MCC: variants seen among roughly 807,000 people sequenced by gnomAD.
MCC encodes colorectal mutant cancer protein.
A neutral mutation model predicts 116.2 loss-of-function variants in MCC; 90 were observed. The observed-to-expected ratio is 0.77, with a 90% CI of 0.65 to 0.92. The LOEUF is 0.92. MCC is among the 40% of genes least tolerant of loss of function. MCC has a pLI of 0.00. For synonymous variants in MCC, 578 were observed against 510.5 expected (o/e 1.13, Z -1.78); for missense variants, 1,516 against 1,312.2 (o/e 1.16, Z -2.40).
chr5:113,238,794 A>G (rs538065833), intron 3 of MCC, among the ~76,000 whole-genome samples: 1 of 152,340 alleles, frequency 6.6e-6, no homozygotes, highest in Non-Finnish European at 1.5e-5. Context: ...AAAAAGACTA[A>G]TGGTCTCAAA....
intron 13 of MCC, among the ~76,000 whole-genome samples, chr5:113,065,740 G>A (rs1753558598): frequency 6.6e-6 from 1 of 152,198 alleles, no homozygotes; most frequent in African/African-American, 2.4e-5. Flanking sequence ...GATACTGTGG[G>A]TGCATGTCAC....
intron 17 of MCC, among the ~76,000 whole-genome samples, chr5:113,036,099 G>T (rs374683898): frequency 2.4e-5 from 3 of 123,084 alleles, no homozygotes; most frequent in Non-Finnish European, 4.7e-5. Flanking sequence ...GCAGTGGTGC[G>T]ATCTTGGGCT....
At chr5:113,140,659 T>C (rs1173971314) in intron 5 of MCC, among the ~76,000 whole-genome samples, 2 of 152,144 alleles carry the variant, frequency 1.3e-5, no homozygotes, top group Non-Finnish European at 2.9e-5. Flanking sequence ...ATAGCTTAAG[T>C]GTGGATATAT....
chr5:113,483,566 A>G (rs1226507117), intron 1 of MCC, among the ~76,000 whole-genome samples: 1 of 152,192 alleles, frequency 6.6e-6, no homozygotes, highest in African/African-American at 2.4e-5. Context: ...TTTCAACAAC[A>G]AGAGTATCTT....
At position 113,128,304 on chromosome 5, in the gene MCC, C is replaced by T. The variant is rs948411605; in HGVS notation, c.885-5478G>A. ...CTGTCAAGCTGTCAGTCAGCTGTGG[C>T]CAACTAATCCACCCTACTTGACCTG... On this transcript the variant is annotated intron_variant, in intron 5 of 18. Transcript: ENST00000408903. 2.6e-5 allele frequency among the ~76,000 whole-genome samples: 4 copies of T among 152,210 alleles called. No homozygotes were observed. The South Asian group carries it at 6.2e-4, about 24-fold the overall frequency.
intron 3 of MCC, among the ~76,000 whole-genome samples, chr5:113,160,506 C>G (rs749100298): frequency 6.6e-6 from 1 of 152,158 alleles, no homozygotes; most frequent in Non-Finnish European, 1.5e-5. Context: ...GGAATTGAGA[C>G]TTAGAGGTTA....
At chr5:113,267,918 T>TA (rs1253510829) in intron 3 of MCC, among the ~76,000 whole-genome samples, 1 of 152,198 alleles carries the variant, frequency 6.6e-6, no homozygotes, top group Non-Finnish European at 1.5e-5. Flanking sequence ...ATAAAAAAGG[T>TA]ATGTCTGCTA....
intron 1 of MCC, among the ~76,000 whole-genome samples, chr5:113,401,377 A>C (rs1769682443): frequency 6.6e-6 from 1 of 152,172 alleles, no homozygotes; most frequent in Non-Finnish European, 1.5e-5. Flanking sequence ...AAAATTTTTC[A>C]CTAAGTGCTA....
chr5:113,340,503 AC>A lies in MCC; in HGVS notation c.627+15del. 1.2e-6 allele frequency: 2 copies of A among 1,611,154 alleles called. No individual in the cohort carries two copies. Among genetic ancestry groups the A allele is most frequent in the African/African-American group, 1.3e-5 (1 of 74,972 alleles). ...ACAGGCCGAAATATGTATTCCATGAACCAAAAAGTACTCACTGTGTTGGCCA... is the reference window on the plus strand; with the variant it reads ...ACAGGCCGAAATATGTATTCCATGAACAAAAAGTACTCACTGTGTTGGCCA... On this transcript the variant is annotated intron_variant, in intron 3 of 18. Transcript: ENST00000408903.
At chr5:113,096,347 T>G (rs1478206297) in intron 8 of MCC, among the ~76,000 whole-genome samples, 2 of 152,068 alleles carry the variant, frequency 1.3e-5, no homozygotes, top group African/African-American at 4.8e-5. Context: ...TGTGCCAGGG[T>G]GCTACACCCC....
chr5:113,413,985 T>A (rs547458459), intron 1 of MCC, among the ~76,000 whole-genome samples: 3 of 152,354 alleles, frequency 2.0e-5, no homozygotes, highest in Non-Finnish European at 4.4e-5. Flanking sequence ...TTGTTCTCAT[T>A]GGTTTCAAAG....
intron 1 of MCC, among the ~76,000 whole-genome samples, chr5:113,453,634 G>T (rs937453686): frequency 6.6e-6 from 1 of 152,168 alleles, no homozygotes; most frequent in African/African-American, 2.4e-5. Context: ...CTGACTCCCA[G>T]CTGTTTATGT....
chr5:113,044,928 G>A (rs1045379115), intron 16 of MCC, among the ~76,000 whole-genome samples: 5 of 152,172 alleles, frequency 3.3e-5, no homozygotes, highest in Non-Finnish European at 7.3e-5. Context: ...ATTCAGTGCT[G>A]CAAGTCCAGG....
At chr5:113,419,981 C>A (rs932318096) in intron 1 of MCC, among the ~76,000 whole-genome samples, 1 of 150,236 alleles carries the variant, frequency 6.7e-6, no homozygotes, top group Non-Finnish European at 1.5e-5. Context: ...TGTAACAAAC[C>A]TGCACGTTGT....
intron 2 of MCC, among the ~76,000 whole-genome samples, chr5:113,355,133 C>T (rs760718736): frequency 6.6e-5 from 10 of 152,132 alleles, no homozygotes; most frequent in Non-Finnish European, 1.3e-4. Flanking sequence ...CAAAAAAGAA[C>T]TATAAAAATA....
intron 6 of MCC, among the ~76,000 whole-genome samples, chr5:113,113,399 A>ACTTT (rs1757211266): frequency 6.6e-6 from 1 of 152,186 alleles, no homozygotes; most frequent in East Asian, 1.9e-4. Flanking sequence ...AGAAAACAGA[A>ACTTT]TAGTCAACTT....
intron 11 of MCC, among the ~76,000 whole-genome samples, chr5:113,080,201 G>A (rs1399756380): frequency 6.6e-6 from 1 of 152,218 alleles, no homozygotes; most frequent in Non-Finnish European, 1.5e-5. Context: ...TTACACTGTT[G>A]GTGGGACTGT....
chr5:113,475,701 T>C (rs1285777612), intron 1 of MCC, among the ~76,000 whole-genome samples: 7 of 152,170 alleles, frequency 4.6e-5, no homozygotes, highest in Non-Finnish European at 1.5e-5. Context: ...TCATTTAGAA[T>C]GCAAATCTCA....
chr5:113,140,436 T>C (rs1369688713), intron 5 of MCC, among the ~76,000 whole-genome samples: 2 of 152,222 alleles, frequency 1.3e-5, no homozygotes, highest in East Asian at 3.9e-4. Context: ...TTCCTACCAA[T>C]GCTTAATCTT....
Sources: gnomAD v4.1 joint callset for allele counts (sites outside exome capture counted in the v4.1 genomes callset) on GRCh38, gnomAD v4.1.1 for gene constraint, MANE v1.5 for transcripts, NCBI Gene and HGNC (gene_info 2026-07-23, HGNC 2026-07-21) for gene names.